The following PRIMPOL variants were observed in gnomAD, a reference collection of about 807,000 sequenced individuals.
PRIMPOL encodes primase and DNA directed polymerase.
In PRIMPOL, 54 loss-of-function variants were observed where a neutral mutation model predicts 63.6. That is an observed-to-expected ratio of 0.85 (90% CI 0.68 to 1.07). PRIMPOL has a LOEUF of 1.07. Among genes scored for constraint, PRIMPOL ranks in the 50% least tolerant of loss-of-function variants. The pLI, the probability that PRIMPOL is intolerant of heterozygous loss-of-function variation, is 0.00. For missense variants in PRIMPOL, 610 were observed against 648.3 expected, an observed-to-expected ratio of 0.94 and a Z score of 0.64; for synonymous variants, 197 against 220.2, an observed-to-expected ratio of 0.89 and a Z score of 0.93.
At chr4:184,658,752 C>CA (rs575514018) in intron 3 of PRIMPOL, among the ~76,000 whole-genome samples, 140 of 151,992 alleles carry the variant, frequency 9.2e-4, no homozygotes, top group African/African-American at 3.1e-3. Context: ...ACTAAAAATA[C>CA]AAAAAATTAA....
Position 184,666,040 on chromosome 4 carries a change from G to T in PRIMPOL, c.532G>T (p.Ala178Ser). The part of the protein sequence containing the change: ...RHLIFQLHDV[A>S]FKDNIHVGNF... ...TTTAATATTTCAGCTCCATGATGTG[G>T]CATTTAAAGATAATATTCATGTTGG... The change falls in exon 6 of 14, where the codon GCA becomes TCA. Residue 178 changes from alanine (A) to serine (S), a missense_variant. Around this residue, in one of 3 missense-constraint regions of PRIMPOL, gnomAD observed 444 missense variants for 456.4 expected, o/e 0.97. Transcript: ENST00000314970. 1 of 1,605,974 alleles carries T rather than the reference G, an allele frequency of 6.2e-7. No homozygotes were observed.
intron 7 of PRIMPOL, among the ~76,000 whole-genome samples, chr4:184,676,312 C>CCCCCT (rs1753319426): frequency 7.9e-6 from 1 of 125,994 alleles, no homozygotes; most frequent in African/African-American, 3.4e-5. Flanking sequence ...CTGCCTTCCC[C>CCCCCT]TCCCTTCCCT....
Position 184,668,294 on chromosome 4 carries a change from A to G in PRIMPOL, c.556+2230A>G, listed in dbSNP as rs183069842. Among the ~76,000 whole-genome samples the G allele has an allele frequency of 2.7e-3, 414 of 152,336 alleles. 4 individuals are homozygous for G. The highest frequency in any genetic ancestry group is 4.5e-3 in the Non-Finnish European group (308 of 68,028). On this transcript the variant is annotated intron_variant, in intron 6 of 13. Coordinates refer to ENST00000314970, the MANE Select transcript of PRIMPOL (RefSeq NM_152683.4). ...GTGTGTATCAGTGAGTGGTGTCACCAGTTACCCAAGTAGACACGTTGGTAT... is the reference window on the plus strand; with the variant it reads ...GTGTGTATCAGTGAGTGGTGTCACCGGTTACCCAAGTAGACACGTTGGTAT...
intron 3 of PRIMPOL, 154 bp downstream of exon 3, chr4:184,657,474 C>A (rs1746793836): frequency 1.7e-6 from 1 of 573,462 alleles, no homozygotes; most frequent in Non-Finnish European, 2.9e-6. Context: ...TAATGGCAAT[C>A]TTAATGGCAT....
chr4:184,659,344 T>G lies in PRIMPOL; in HGVS notation c.185T>G (p.Val62Gly). 1 of 1,611,682 alleles carries G rather than the reference T, an allele frequency of 6.2e-7. No individual in the cohort carries two copies. The highest frequency in any genetic ancestry group is 1.1e-5 in the South Asian group (1 of 91,002). Residue 62 changes from valine to glycine, a missense_variant, in exon 4 of 14, where the codon GTT becomes GGT. By Grantham distance (109) the Val-to-Gly change is moderately radical. Coordinates refer to ENST00000314970, the MANE Select transcript of PRIMPOL (RefSeq NM_152683.4). Reference sequence around the variant, plus strand: ...TTCTTTTTTGATTTTATGCAGGACGTTCATGTATTTGCTTTGGAATGCAAA... The same window carrying G: ...TTCTTTTTTGATTTTATGCAGGACGGTCATGTATTTGCTTTGGAATGCAAA... ...FNFVKSCKED[V>G]HVFALECKVG...
At chr4:184,684,625 A>G (rs1425264533) in intron 9 of PRIMPOL, among the ~76,000 whole-genome samples, 1 of 152,122 alleles carries the variant, frequency 6.6e-6, no homozygotes, top group Non-Finnish European at 1.5e-5. Context: ...AATGGTGAGC[A>G]CACACCATGG....
At position 184,666,814 on chromosome 4, in the gene PRIMPOL, C is replaced by A. The variant is rs192373417; in HGVS notation, c.556+750C>A. On this transcript the variant is annotated intron_variant, in intron 6 of 13. Coordinates refer to ENST00000314970, the MANE Select transcript of PRIMPOL (RefSeq NM_152683.4). ...GCAGAGCTTCAGGGTTGGGATAATT[C>A]TAGATGTACGAGTCTGAAAGTGAAA... Among the ~76,000 whole-genome samples the A allele has an allele frequency of 9.0e-4, 137 of 152,304 alleles. 1 individual carries two copies. Among genetic ancestry groups the A allele is most frequent in the African/African-American group, 3.1e-3 (130 of 41,570 alleles).
At chr4:184,671,975 T>G (rs62339867) in intron 6 of PRIMPOL, among the ~76,000 whole-genome samples, 198 bp from the exon 7 acceptor site, 1 of 152,044 alleles carries the variant, frequency 6.6e-6, no homozygotes, top group African/African-American at 2.4e-5. Context: ...CTCCCGACCT[T>G]GTGATCCGCC....
At chr4:184,681,056 A>G (rs1020509501) in intron 8 of PRIMPOL, among the ~76,000 whole-genome samples, 1 of 152,172 alleles carries the variant, frequency 6.6e-6, no homozygotes, top group Non-Finnish European at 1.5e-5. Flanking sequence ...TTCGCAGTTT[A>G]AATATGAATC....
chr4:184,661,598 C>T (rs1016970252), intron 4 of PRIMPOL, among the ~76,000 whole-genome samples, 176 bp from the exon 5 acceptor site: 1 of 151,806 alleles, frequency 6.6e-6, no homozygotes, highest in Non-Finnish European at 1.5e-5. Flanking sequence ...CCCAGCTACT[C>T]GGGAGGCTGA....
chr4:184,673,510 C>T (rs1396828592), intron 7 of PRIMPOL, among the ~76,000 whole-genome samples: 6 of 150,920 alleles, frequency 4.0e-5, no homozygotes, highest in African/African-American at 9.8e-5. Context: ...CTGCAACCTC[C>T]GCCTCCCGGG....
In PRIMPOL at chr4:184,691,728, AGT is replaced by A. The variant is rs1758595839; in HGVS notation, c.1425+19_1425+20del. The A allele has an allele frequency of 6.3e-7, 1 of 1,599,392 alleles. No homozygotes were observed. The highest frequency in any genetic ancestry group is 1.3e-5 in the African/African-American group (1 of 74,490). On this transcript the variant is annotated intron_variant, in intron 13 of 13. Transcript: ENST00000314970. ...TTTCAAAGAGGTAAGTACAGATTTT[AGT>A]GTCTTTCTCCTTACCAGGGAGTTCT...
At chr4:184,659,479 C>T (rs778603694) in intron 4 of PRIMPOL, 42 bp downstream of exon 4, 36 of 1,403,776 alleles carry the variant, frequency 2.6e-5, no homozygotes, top group Non-Finnish European at 1.0e-6. Flanking sequence ...GCTAGAGTTC[C>T]ATTTCCTTTG....
In PRIMPOL at chr4:184,657,325, T is replaced by TTTCCTCCTCCTCCTCTTCTTC. The variant is rs773080887; in HGVS notation, c.180+15_180+35dup. 3 of 1,598,270 alleles carry TTTCCTCCTCCTCCTCTTCTTC rather than the reference T, an allele frequency of 1.9e-6. No individual in the cohort carries two copies. The African/African-American group carries it at 4.0e-5, about 21-fold the overall frequency. On this transcript the variant is annotated splice_donor_region_variant and intron_variant, in intron 3 of 13. Transcript: ENST00000314970. ...TTTGTTAAAAGCTGTAAAGAAGTAA[T>TTTCCTCCTCCTCCTCTTCTTC]TTCCTCCTCCTCCTCTTCTTCTTCC...
intron 9 of PRIMPOL, 91 bp downstream of exon 9, chr4:184,682,427 C>T (rs1022138301): frequency 1.7e-5 from 11 of 654,976 alleles, no homozygotes; most frequent in African/African-American, 1.6e-4. Context: ...CGGCTCACTG[C>T]AGCCTCCTCC....
At chr4:184,675,688 A>G (rs559063163) in intron 7 of PRIMPOL, among the ~76,000 whole-genome samples, 1 of 152,120 alleles carries the variant, frequency 6.6e-6, no homozygotes, top group South Asian at 2.1e-4. Context: ...ATGGTGGTGC[A>G]TGCCTGTAAT....
intron 3 of PRIMPOL, 60 bp downstream of exon 3, chr4:184,657,380 C>A: frequency 8.1e-7 from 1 of 1,228,758 alleles, no homozygotes; most frequent in Non-Finnish European, 1.1e-6. Flanking sequence ...CTTTCTTCTT[C>A]TTCTTCATTA....
At chr4:184,669,564 C>T (rs1751006629) in intron 6 of PRIMPOL, among the ~76,000 whole-genome samples, 1 of 152,176 alleles carries the variant, frequency 6.6e-6, no homozygotes, top group Non-Finnish European at 1.5e-5. Flanking sequence ...ATCTCTTGCT[C>T]AGGAAGAAGG....
rs1416747667 is a variant in PRIMPOL, at chr4:184,672,218, G to T, written c.602G>T (p.Gly201Val). The stretch of plus-strand genomic sequence containing the variant: ...TTGCAGCCTGCTCTTGACTTGCTTG[G>T]CAGTGAAGATGATGATAGCGCTCCA... ...KILQPALDLLGSEDDDSAPET... is the reference protein window; with the variant it reads ...KILQPALDLLVSEDDDSAPET... Residue 201 changes from glycine to valine, a missense_variant, in exon 7 of 14, where the codon GGC (glycine) becomes GTC (valine). Gly to Val is a moderately radical substitution (Grantham distance 109). Transcript: ENST00000314970. The T allele has an allele frequency of 1.2e-6, 2 of 1,613,150 alleles. No individual in the cohort carries two copies. The highest frequency in any genetic ancestry group is 2.7e-5 in the African/African-American group (2 of 74,762).
Sources: gnomAD v4.1 joint callset for allele counts (sites outside exome capture counted in the v4.1 genomes callset) on GRCh38, gnomAD v4.1.1 for gene constraint, gnomAD v4.1.1 regional missense constraint, MANE v1.5 for transcripts, NCBI Gene and HGNC (gene_info 2026-07-23, HGNC 2026-07-21) for gene names.